Variants in LPP observed in about 807,000 individuals in gnomAD.
LPP encodes the protein LIM domain containing preferred translocation partner in lipoma, also known as lipoma-preferred partner.
Under a neutral mutation model 60.4 loss-of-function variants are expected in LPP, and 38 were observed. The ratio of observed to expected loss-of-function variants is 0.63; its 90% CI spans 0.49 to 0.83. LPP has a LOEUF of 0.83. LPP is among the 40% of genes least tolerant of loss of function. The probability of loss-of-function intolerance (pLI) is 0.00; values close to 1 mark genes in which losing one functional copy is unlikely to be tolerated. For missense variants in LPP, 902 were observed against 783.6 expected, an observed-to-expected ratio of 1.15 and a Z score of -1.80; for synonymous variants, 328 against 290.8, an observed-to-expected ratio of 1.13 and a Z score of -1.30.
At chr3:188,635,377 G>A (rs139275198) in intron 7 of LPP, among the ~76,000 whole-genome samples, 21 of 152,240 alleles carry the variant, frequency 1.4e-4, no homozygotes, top group African/African-American at 4.3e-4. Flanking sequence ...TGAACTGTGG[G>A]GCATAAATCT....
intron 1 of LPP, among the ~76,000 whole-genome samples, chr3:188,222,017 C>T (rs751741092): frequency 1.8e-4 from 28 of 152,276 alleles, no homozygotes; most frequent in Non-Finnish European, 3.1e-4. Context: ...CTAACTTCTC[C>T]GTTCCTCAGT....
At chr3:188,509,861 T>A (rs1217666403) in intron 5 of LPP, among the ~76,000 whole-genome samples, 1 of 114,024 alleles carries the variant, frequency 8.8e-6, no homozygotes, top group Admixed American at 1.2e-4. Context: ...CCTGGCTAAT[T>A]TTTTTTTTGT....
intron 4 of LPP, among the ~76,000 whole-genome samples, chr3:188,428,901 C>G (rs1790189124): frequency 6.6e-6 from 1 of 151,846 alleles, no homozygotes; most frequent in South Asian, 2.1e-4. Flanking sequence ...TTCAAAAAAA[C>G]AAAAACAAAA....
At chr3:188,734,940 C>T (rs1045069129) in intron 8 of LPP, among the ~76,000 whole-genome samples, 2 of 152,140 alleles carry the variant, frequency 1.3e-5, no homozygotes, top group African/African-American at 2.4e-5. Context: ...TTCCAGAATG[C>T]CATAATCTAC....
chr3:188,521,624 G>A (rs1232497555), intron 5 of LPP, among the ~76,000 whole-genome samples: 1 of 152,006 alleles, frequency 6.6e-6, no homozygotes, highest in Admixed American at 6.6e-5. Context: ...TATAGTTACT[G>A]GTTGCTATAA....
At chr3:188,338,807 A>C (rs1356069012) in intron 2 of LPP, among the ~76,000 whole-genome samples, 1 of 152,196 alleles carries the variant, frequency 6.6e-6, no homozygotes, top group Non-Finnish European at 1.5e-5. Context: ...CACTGGTTCA[A>C]TAACACTTAG....
At chr3:188,197,422 G>T (rs4572756) in intron 1 of LPP, among the ~76,000 whole-genome samples, 27,036 of 152,080 alleles carry the variant, frequency 0.18, 3,360 homozygotes, top group East Asian at 0.57. Context: ...GAGCTTTATT[G>T]CCCCAGTACA....
chr3:188,200,509 C>G (rs747606777), intron 1 of LPP, among the ~76,000 whole-genome samples: 7 of 152,194 alleles, frequency 4.6e-5, no homozygotes, highest in Non-Finnish European at 7.3e-5. Flanking sequence ...TAGGAAGCCA[C>G]TGCTGAGGCC....
At chr3:188,457,757 A>T (rs1015696562) in intron 4 of LPP, among the ~76,000 whole-genome samples, 102 of 120,482 alleles carry the variant, frequency 8.5e-4, no homozygotes, top group Non-Finnish European at 1.4e-3. Context: ...TATATATATA[A>T]AATTAGCCAG....
intron 6 of LPP, among the ~76,000 whole-genome samples, chr3:188,569,324 G>A (rs1832962508): frequency 6.6e-6 from 1 of 151,670 alleles, no homozygotes; most frequent in Admixed American, 6.6e-5. Context: ...AAAGTTTGAG[G>A]AAAAAATGAG....
intron 4 of LPP, among the ~76,000 whole-genome samples, chr3:188,406,600 G>A (rs536918428): frequency 6.6e-5 from 10 of 152,242 alleles, no homozygotes; most frequent in South Asian, 4.1e-4. Flanking sequence ...TTTCTACTGC[G>A]TTATCTTCCA....
intron 9 of LPP, among the ~76,000 whole-genome samples, chr3:188,785,491 CAT>C (rs61256982): frequency 1.4e-3 from 29 of 20,236 alleles, no homozygotes; most frequent in African/African-American, 5.4e-3. Flanking sequence ...ATATATTCAT[CAT>C]ATATATATAT....
chr3:188,556,618 A>T (rs1293671549), intron 6 of LPP, among the ~76,000 whole-genome samples: 2 of 150,648 alleles, frequency 1.3e-5, no homozygotes, highest in Admixed American at 1.3e-4. Context: ...TTTTGGTTTG[A>T]TTTTTTTTCA....
At chr3:188,219,416 G>C (rs540558358) in intron 1 of LPP, among the ~76,000 whole-genome samples, 6 of 152,206 alleles carry the variant, frequency 3.9e-5, no homozygotes, top group Non-Finnish European at 4.4e-5. Context: ...TGATGGTCAG[G>C]CTCTATGAAA....
chr3:188,763,392 T>C (rs2150535305), intron 9 of LPP, among the ~76,000 whole-genome samples: 1 of 152,252 alleles, frequency 6.6e-6, no homozygotes, highest in Admixed American at 6.5e-5. Flanking sequence ...CTGCCTAAAT[T>C]GGTTGTTGAT....
At chr3:188,862,741 GAA>G (rs1560308504) in intron 9 of LPP, among the ~76,000 whole-genome samples, 3 of 105,626 alleles carry the variant, frequency 2.8e-5, no homozygotes, top group Non-Finnish European at 5.6e-5. Context: ...ATAAATAAAA[GAA>G]AAAAGAAAAG....
chr3:188,426,052 G>A (rs554910494), intron 4 of LPP, among the ~76,000 whole-genome samples: 17 of 152,168 alleles, frequency 1.1e-4, no homozygotes, highest in African/African-American at 2.4e-4. Context: ...TTAGGGTGTC[G>A]ATTTGAGATC....
chr3:188,548,593 C>A (rs1479348799), intron 6 of LPP, among the ~76,000 whole-genome samples: 1 of 152,102 alleles, frequency 6.6e-6, no homozygotes, highest in African/African-American at 2.4e-5. Flanking sequence ...TTCCTGCCTT[C>A]TTTTGGGGGG....
rs1799236891 is a variant in LPP, at chr3:188,462,544, T to TATA, written c.194-22048_194-22047insATA. ...TAAATTTAGCCAATTTATATGAGCT[T>TATA]TATATATATATATATATATATATAT... On this transcript the variant is annotated intron_variant, in intron 4 of 11. Transcript: ENST00000617246. Among the ~76,000 whole-genome samples, 92 of 34,206 alleles carry TATA rather than the reference T, an allele frequency of 2.7e-3. 5 individuals carry two copies. The highest frequency in any genetic ancestry group is 5.9e-3 in the South Asian group (4 of 682). 22.4% of individuals were successfully genotyped at this position (34,206 alleles called of 152,430 possible). A position where few individuals can be genotyped will look rare whatever the true frequency, so the allele number is the denominator to read the frequency against.
Sources: gnomAD v4.1 joint callset for allele counts (sites outside exome capture counted in the v4.1 genomes callset) on GRCh38, gnomAD v4.1.1 for gene constraint, MANE v1.5 for transcripts, NCBI Gene and HGNC (gene_info 2026-07-23, HGNC 2026-07-21) for gene names.